The following SLC26A9 variants were observed in gnomAD, a reference collection of about 807,000 sequenced individuals.
SLC26A9 encodes anion transporter/exchanger protein 9.
A neutral mutation model predicts 87.1 loss-of-function variants in SLC26A9; 46 were observed. The ratio of observed to expected loss-of-function variants is 0.53; its 90% confidence interval spans 0.42 to 0.67. SLC26A9 has a LOEUF of 0.67. SLC26A9 is among the 30% of genes least tolerant of loss of function. The pLI is 0.00. For missense variants in SLC26A9, 927 were observed against 1,018.3 expected, an observed-to-expected ratio of 0.91 and a Z score of 1.22; for synonymous variants, 437 against 409.1, an observed-to-expected ratio of 1.07 and a Z score of -0.82.
intron 12 of SLC26A9, among the ~76,000 whole-genome samples, chr1:205,925,479 C>G (rs184250306): frequency 7.9e-5 from 12 of 152,300 alleles, no homozygotes; most frequent in Non-Finnish European, 1.3e-4. Flanking sequence ...TAAGGGAATA[C>G]CACCATAGCG....
At chr1:205,926,691 G>A (rs1303496903) in intron 11 of SLC26A9, 61 bp from the exon 12 acceptor site, 9 of 1,402,426 alleles carry the variant, frequency 6.4e-6, no homozygotes, top group East Asian at 4.6e-5. Flanking sequence ...GCCCTCCTGC[G>A]CATACCCGAC....
intron 1 of SLC26A9, among the ~76,000 whole-genome samples, chr1:205,942,537 C>G (rs145345239): frequency 1.2e-4 from 19 of 152,328 alleles, no homozygotes; most frequent in Admixed American, 2.0e-4. Context: ...TTTGTTAGGT[C>G]TCAGCTGGGG....
At chr1:205,915,745 G>T (rs1658567376) in intron 20 of SLC26A9, among the ~76,000 whole-genome samples, 1 of 152,152 alleles carries the variant, frequency 6.6e-6, no homozygotes, top group African/African-American at 2.4e-5. Context: ...AAGCTCTGAA[G>T]TCCTTTCTCA....
At chr1:205,928,723 T>G (rs1044774259) in intron 8 of SLC26A9, 104 bp downstream of exon 8, 3 of 1,074,148 alleles carry the variant, frequency 2.8e-6, no homozygotes, top group African/African-American at 1.5e-5. Flanking sequence ...TCATACAGTT[T>G]CGACTGCACT....
At chr1:205,936,340 A>G (rs1392711337) in intron 1 of SLC26A9, among the ~76,000 whole-genome samples, 1 of 152,240 alleles carries the variant, frequency 6.6e-6, no homozygotes, top group Admixed American at 6.5e-5. Flanking sequence ...GATGACCTCA[A>G]GAGGACCCTT....
In SLC26A9 at chr1:205,931,974, C is replaced by T. The variant is rs200068898; in HGVS notation, c.438G>A (p.Ser146=). Residue 146 remains serine, a synonymous_variant, in exon 5 of 21, where the codon TCG becomes TCA. Coordinates refer to ENST00000367135, the MANE Select transcript of SLC26A9 (RefSeq NM_052934.4). ...TGGCATTGTTGAAGACCTGGAATTTCGACTCTGGGGCCAGCTGCAGACAGA... is the reference window on the plus strand; with the variant it reads ...TGGCATTGTTGAAGACCTGGAATTTTGACTCTGGGGCCAGCTGCAGACAGA... ...GNICLQLAPE[S]KFQVFNNATN... is the part of the protein sequence containing the mutation. 1.4e-4 allele frequency: 224 copies of T among 1,614,228 alleles called. No homozygotes were observed. Among genetic ancestry groups the T allele is most frequent in the Middle Eastern group, 1.2e-3 (7 of 6,062 alleles).
In SLC26A9 at chr1:205,915,343, G is replaced by T; in HGVS notation, c.*14C>A. 1 of 1,614,110 alleles carries T rather than the reference G, an allele frequency of 6.2e-7. No individual in the cohort carries two copies. Among genetic ancestry groups the T allele is most frequent in the Non-Finnish European group, 8.5e-7 (1 of 1,180,002 alleles). ...CCAGGCACTCTGTAGGCAGCATGAG[G>T]ACTGGCTGAGCCCTCACAGGGCGGT... On this transcript the variant is annotated 3_prime_UTR_variant, in exon 21 of 21. Coordinates refer to ENST00000367135, the MANE Select transcript of SLC26A9 (RefSeq NM_052934.4).
At chr1:205,928,084 G>A (rs1448114483) in intron 8 of SLC26A9, 35 bp from the exon 9 acceptor site, 2 of 1,602,930 alleles carry the variant, frequency 1.2e-6, no homozygotes, top group Non-Finnish European at 1.7e-6. Flanking sequence ...AGAACCCAAG[G>A]GTGTGAGTGG....
At chr1:205,933,231 G>T in intron 2 of SLC26A9, 147 bp from the exon 3 acceptor site, 1 of 1,245,014 alleles carries the variant, frequency 8.0e-7, no homozygotes, top group Non-Finnish European at 1.1e-6. Context: ...AGAAGAAAAG[G>T]CAGGAACTTT....
chr1:205,917,614 GA>G (rs1334999997), intron 19 of SLC26A9, among the ~76,000 whole-genome samples: 1 of 152,076 alleles, frequency 6.6e-6, no homozygotes, highest in East Asian at 1.9e-4. Context: ...ACTCAGCTTA[GA>G]AAAACTATTG....
At chr1:205,932,833 G>A in intron 3 of SLC26A9, 21 bp from the exon 4 acceptor site, 1 of 1,590,718 alleles carries the variant, frequency 6.3e-7, no homozygotes, top group Non-Finnish European at 8.6e-7. Flanking sequence ...CAACGAGACT[G>A]AAGCTCAGCA....
At chr1:205,941,463 G>C (rs771389122) in intron 1 of SLC26A9, among the ~76,000 whole-genome samples, 1 of 152,214 alleles carries the variant, frequency 6.6e-6, no homozygotes, top group South Asian at 2.1e-4. Flanking sequence ...GAGCCACTGC[G>C]CCCAGCCCCC....
Position 205,929,885 on chromosome 1 carries a change from G to A in SLC26A9, c.717+7C>T, listed in dbSNP as rs1185919859. On this transcript the variant is annotated splice_region_variant and intron_variant, in intron 6 of 20. Coordinates refer to ENST00000367135, the MANE Select transcript of SLC26A9 (RefSeq NM_052934.4). ...CTCCAATGGCAGGGGTGCATCCCCA[G>A]ACTCACAAAGACGATGGACCCTGGG... 1 of 1,583,514 alleles carries A rather than the reference G, an allele frequency of 6.3e-7. No homozygotes were observed. The highest frequency in any genetic ancestry group is 1.1e-5 in the South Asian group (1 of 89,172).
chr1:205,931,214 G>A (rs75322725), intron 5 of SLC26A9, among the ~76,000 whole-genome samples: 4 of 152,202 alleles, frequency 2.6e-5, no homozygotes, highest in Non-Finnish European at 4.4e-5. Context: ...GAGGAGGCTG[G>A]AGAGGAGTGA....
chr1:205,924,366 C>T lies in SLC26A9; in HGVS notation c.1496+17G>A, dbSNP rs537183940. On this transcript the variant is annotated intron_variant, in intron 13 of 20. Transcript: ENST00000367135. Reference sequence around the variant, plus strand: ...GGAACCGACTGTGGGCCTAGGAGGGCGGAAGCTATCACTTACAACTGAGTC... The same window carrying T: ...GGAACCGACTGTGGGCCTAGGAGGGTGGAAGCTATCACTTACAACTGAGTC... 90 of 1,612,322 alleles carry T rather than the reference C, an allele frequency of 5.6e-5. No individual in the cohort carries two copies. Among genetic ancestry groups the T allele is most frequent in the Non-Finnish European group, 6.9e-5 (81 of 1,178,648 alleles).
At chr1:205,930,304 T>C in intron 5 of SLC26A9, 1 of 348,268 alleles carries the variant, frequency 2.9e-6, no homozygotes, top group Non-Finnish European at 5.2e-6. Flanking sequence ...GGCTTATCTG[T>C]AAAATAAGTC....
At position 205,923,103 on chromosome 1, in the gene SLC26A9, C is replaced by T. The variant is rs145640643; in HGVS notation, c.1752G>A (p.Arg584=). 45 of 1,614,042 alleles carry T rather than the reference C, an allele frequency of 2.8e-5. No individual in the cohort carries two copies. The East Asian group carries it at 9.6e-4, about 34-fold the overall frequency. ...KRRMRPTQQR[R]SLFMKTKTVS... ...TCACCTTGGTTTTCATGAATAGAGA[C>T]CTCCTCTGTTGTGTGGGCCTCATTC... The change falls in exon 16 of 21, where the codon AGG becomes AGA. Residue 584 remains arginine (R), a synonymous_variant. Transcript: ENST00000367135.
At chr1:205,933,913 G>C (rs942390073) in intron 2 of SLC26A9, among the ~76,000 whole-genome samples, 5 of 152,278 alleles carry the variant, frequency 3.3e-5, no homozygotes, top group Admixed American at 1.3e-4. Context: ...TAGGAACAAG[G>C]GCTTACAAAC....
At chr1:205,923,709 G>T in intron 13 of SLC26A9, 96 bp from the exon 14 acceptor site, 1 of 1,353,496 alleles carries the variant, frequency 7.4e-7, no homozygotes, top group South Asian at 1.2e-5. Flanking sequence ...GCCAAGGTAG[G>T]ATGGGGTCCT....
Sources: allele counts gnomAD v4.1 joint callset (sites outside exome capture counted in the v4.1 genomes callset), GRCh38; gene constraint gnomAD v4.1.1; transcripts MANE v1.5; gene names NCBI Gene and HGNC (gene_info 2026-07-23, HGNC 2026-07-21).